Variants in JUP observed in about 807,000 individuals in gnomAD.
JUP encodes catenin (cadherin-associated protein), gamma 80kDa.
JUP carries 28 observed loss-of-function variants against 71.1 expected under a neutral mutation model. That is an observed-to-expected ratio of 0.39 (90% CI 0.29 to 0.54). The LOEUF (loss-of-function observed/expected upper bound fraction) is 0.54. Among genes scored for constraint, JUP ranks in the 20% least tolerant of loss-of-function variants. JUP has a pLI of 0.62. For synonymous variants in JUP, 401 were observed against 438.9 expected (o/e 0.91, Z 1.08); for missense variants, 869 against 1,030.1 (o/e 0.84, Z 2.14).
At chr17:41,758,234 C>T in intron 10 of JUP, 165 bp downstream of exon 10, 1 of 736,828 alleles carries the variant, frequency 1.4e-6, no homozygotes, top group Non-Finnish European at 2.2e-6. Flanking sequence ...AAAGCCATGC[C>T]CATGCAGGGG....
intron 8 of JUP, among the ~76,000 whole-genome samples, chr17:41,761,691 T>G (rs1914833624): frequency 6.7e-6 from 1 of 148,614 alleles, no homozygotes; most frequent in East Asian, 2.0e-4. Flanking sequence ...AGGCGGAGGT[T>G]GCAGTAAGCC....
rs542964648 is a variant in JUP, at chr17:41,783,289, T to G, written c.-9+3299A>C. 7.8e-3 allele frequency among the ~76,000 whole-genome samples: 647 copies of G among 83,080 alleles called. 6 individuals are homozygous for G. The highest frequency in any genetic ancestry group is 0.014 in the South Asian group (19 of 1,386). The allele number at this position is 83,080 out of a possible 152,430, so 54.5% of individuals were successfully genotyped here. A position where few individuals can be genotyped will look rare whatever the true frequency, so the allele number is the denominator to read the frequency against. ...AGAATGCGAATAATGATACGCGTTT[T>G]TTTTGTTTTTTTTTTTTTTTTGAGT... On this transcript the variant is annotated intron_variant, in intron 1 of 13. Coordinates refer to ENST00000393931, the MANE Select transcript of JUP (RefSeq NM_002230.4).
intron 7 of JUP, among the ~76,000 whole-genome samples, chr17:41,764,145 C>T (rs1555602837): frequency 6.6e-6 from 1 of 152,182 alleles, no homozygotes; most frequent in African/African-American, 2.4e-5. Context: ...AGGCACAGGG[C>T]ACTTGCCCTG....
chr17:41,769,085 G>T lies in JUP; in HGVS notation c.591C>A (p.Ser197Arg), dbSNP rs781813778. 6.2e-7 allele frequency: 1 copy of T among 1,613,220 alleles called. No individual in the cohort carries two copies. Among genetic ancestry groups the T allele is most frequent in the Admixed American group, 1.7e-5 (1 of 60,002 alleles). The change falls in exon 4 of 14, where the codon AGC becomes AGA. Residue 197 changes from serine (S) to arginine (R), a missense_variant. Transcript: ENST00000393931. ...AAVVRTMQNT[S>R]DLDTARCTTS... ...TGGTGCAGCGGGCTGTGTCCAGGTC[G>T]CTGGTATTCTGCATGGTACGCACGA...
intron 3 of JUP, 81 bp downstream of exon 3, chr17:41,769,337 C>A (rs1057068725): frequency 1.9e-6 from 3 of 1,572,156 alleles, no homozygotes; most frequent in Non-Finnish European, 2.6e-6. Context: ...CTCCCTCCAC[C>A]CCTACAATGT....
Position 41,769,601 on chromosome 17 carries a change from G to A in JUP, c.285C>T (p.Gly95=), listed in dbSNP as rs1555605900. The A allele has an allele frequency of 1.0e-5, 16 of 1,604,946 alleles. No individual in the cohort carries two copies. The highest frequency in any genetic ancestry group is 5.6e-5 in the South Asian group (5 of 89,278). ...TGGCCAGCAGAAGCGAGCTGTCCTC[G>A]CCTGACACACCAGGGCACATGGCCT... is the stretch of plus-strand genomic sequence containing the variant. The part of the protein sequence containing the change: ...VREAMCPGVS[G]EDSSLLLATQ... The change falls in exon 3 of 14, where the codon GGC becomes GGT. Residue 95 remains glycine (G), a synonymous_variant. Transcript: ENST00000393931.
chr17:41,777,410 C>G (rs1225328266), intron 1 of JUP, among the ~76,000 whole-genome samples: 2 of 152,202 alleles, frequency 1.3e-5, no homozygotes, highest in African/African-American at 2.4e-5. Flanking sequence ...AGCACAGACA[C>G]AGACTCTAGA....
chr17:41,773,317 C>T (rs1045999815), intron 1 of JUP, among the ~76,000 whole-genome samples: 3 of 152,220 alleles, frequency 2.0e-5, no homozygotes, highest in Non-Finnish European at 4.4e-5. Context: ...CCCTGGCCCT[C>T]CAGGAGGATG....
chr17:41,770,711 T>C (rs1289078692), intron 2 of JUP, among the ~76,000 whole-genome samples: 1 of 152,168 alleles, frequency 6.6e-6, no homozygotes, highest in African/African-American at 2.4e-5. Context: ...TATTCCTCTC[T>C]CCCAGAGGGG....
Position 41,769,431 on chromosome 17 carries a change from T to G in JUP, c.455A>C (p.Asn152Thr). The change falls in exon 3 of 14, where the codon AAC becomes ACC. Residue 152 changes from asparagine to threonine, a missense_variant. By Grantham distance (65) the Asn-to-Thr change is moderately conservative. Coordinates refer to ENST00000393931, the MANE Select transcript of JUP (RefSeq NM_002230.4). ...ACCCTCACAGACCGGGTCCTCGTCG[T>G]TGAGCAGTTTGGTGAGCTCGGGCAG... ...RALPELTKLL[N>T]DEDPVVVTKA... The G allele has an allele frequency of 6.2e-7, 1 of 1,612,558 alleles. No individual in the cohort carries two copies. Among genetic ancestry groups the G allele is most frequent in the Middle Eastern group, 1.7e-4 (1 of 6,060 alleles).
At chr17:41,769,710 G>A in intron 2 of JUP, 33 bp from the exon 3 acceptor site, 1 of 1,599,534 alleles carries the variant, frequency 6.3e-7, no homozygotes, top group Non-Finnish European at 8.5e-7. Flanking sequence ...CTGAGTGCAG[G>A]CAGTGGGCTG....
rs2230407 is a variant in JUP at position 41,767,421 on chromosome 17, G to A, written c.867C>T (p.Thr289=). The change falls in exon 5 of 14, where the codon ACC becomes ACT. Residue 289 remains threonine, a synonymous_variant. Transcript: ENST00000393931. ...KNNPKFLAIT[T]DCLQLLAYGN... ...CGTAGGCCAGGAGCTGCAGGCAGTCGGTGGTGATGGCCAGGAACTTGGGGT... is the reference window on the plus strand; with the variant it reads ...CGTAGGCCAGGAGCTGCAGGCAGTCAGTGGTGATGGCCAGGAACTTGGGGT... 2.7e-3 allele frequency: 4,359 copies of A among 1,614,166 alleles called. 112 individuals carry two copies. The African/African-American group carries it at 0.053, about 20-fold the overall frequency.
chr17:41,762,638 C>T (rs1365086707), intron 8 of JUP, among the ~76,000 whole-genome samples: 1 of 152,100 alleles, frequency 6.6e-6, no homozygotes, highest in Non-Finnish European at 1.5e-5. Context: ...TGGCCTCAAG[C>T]AATCCTCCTA....
chr17:41,768,852 G>T, intron 4 of JUP, 117 bp downstream of exon 4: 1 of 835,068 alleles, frequency 1.2e-6, no homozygotes, highest in Non-Finnish European at 2.0e-6. Flanking sequence ...GATGGGGTGT[G>T]CTTCTGCCTG....
Position 41,769,543 on chromosome 17 carries a change from G to A in JUP, c.343C>T (p.Arg115Ter), listed in dbSNP as rs782203227. The A allele has an allele frequency of 6.8e-6, 11 of 1,609,018 alleles. No homozygotes were observed. Among genetic ancestry groups the A allele is most frequent in the Admixed American group, 6.7e-5 (4 of 59,298 alleles). Residue 115 changes from arginine to a stop codon, truncating the protein, a stop_gained, in exon 3 of 14, where the codon CGA (arginine) becomes TGA (stop). Coordinates refer to ENST00000393931, the MANE Select transcript of JUP (RefSeq NM_002230.4). LOFTEE classifies it high-confidence loss of function. ...AGCAGCTGGGACGGCTCGGCCAGTC[G>A]CTGCAGGTTGGTGGCCTGCCCCTCC... ...QVEGQATNLQ[R>*]LAEPSQLLKS...
At position 41,763,274 on chromosome 17, in the gene JUP, C is replaced by A; in HGVS notation, c.1206G>T (p.Val402=). The part of the protein sequence containing the change: ...VLKILVNQLS[V]DDVNVLTCAT... ...CACAGGTGAGGACGTTGACGTCATC[C>A]ACACTCAGCTGATTCACCAGAATCT... Residue 402 remains valine (V), a synonymous_variant, in exon 8 of 14, where the codon GTG becomes GTT. Transcript: ENST00000393931. The A allele has an allele frequency of 1.2e-6, 2 of 1,614,178 alleles. No individual in the cohort carries two copies. Among genetic ancestry groups the A allele is most frequent in the Non-Finnish European group, 1.7e-6 (2 of 1,180,026 alleles).
intron 2 of JUP, among the ~76,000 whole-genome samples, chr17:41,770,643 C>A (rs1308266645): frequency 1.3e-5 from 2 of 152,218 alleles, no homozygotes; most frequent in Non-Finnish European, 1.5e-5. Context: ...CCACAGCCCA[C>A]CCCCTGGCAT....
Position 41,755,657 on chromosome 17 carries a change from C to A in JUP, c.*87G>T. The stretch of plus-strand genomic sequence containing the variant: ...CCCAAAAAAGGAGCGCAGGTTTCAG[C>A]GGGGAGATGGGAGGGCCTCCAACAG... On this transcript the variant is annotated 3_prime_UTR_variant, in exon 14 of 14. Coordinates refer to ENST00000393931, the MANE Select transcript of JUP (RefSeq NM_002230.4). 2 of 1,301,830 alleles carry A rather than the reference C, an allele frequency of 1.5e-6. No individual in the cohort carries two copies. Among genetic ancestry groups the A allele is most frequent in the Non-Finnish European group, 1.0e-6 (1 of 964,570 alleles). The allele number at this position is 1,301,830 out of a possible 1,614,324, so 80.6% of individuals were successfully genotyped here. A position where few individuals can be genotyped will look rare whatever the true frequency, so the allele number is the denominator to read the frequency against.
At chr17:41,767,119 C>T (rs1915858114) in intron 5 of JUP, among the ~76,000 whole-genome samples, 1 of 151,012 alleles carries the variant, frequency 6.6e-6, no homozygotes, top group Non-Finnish European at 1.5e-5. Flanking sequence ...AGGATGTGTA[C>T]ACATCTGTAA....
Sources: gnomAD v4.1 joint callset for allele counts (sites outside exome capture counted in the v4.1 genomes callset) on GRCh38, gnomAD v4.1.1 for gene constraint, MANE v1.5 for transcripts, NCBI Gene and HGNC (gene_info 2026-07-23, HGNC 2026-07-21) for gene names.